Variants in RNF152 observed in about 807,000 individuals in gnomAD.
RNF152 encodes E3 ubiquitin-protein ligase RNF152.
Under a neutral mutation model 12.7 loss-of-function variants are expected in RNF152, and 11 were observed. The ratio of observed to expected loss-of-function variants is 0.86; its 90% CI spans 0.54 to 1.43. The LOEUF (loss-of-function observed/expected upper bound fraction) is 1.43. RNF152 is among the 40% of genes most tolerant of loss of function. The pLI is 0.00. For synonymous variants in RNF152, 113 were observed against 120.3 expected (o/e 0.94, Z 0.40); for missense variants, 255 against 274.8 (o/e 0.93, Z 0.51).
At chr18:61,825,184 T>C (rs968748984) in intron 1 of RNF152, among the ~76,000 whole-genome samples, 1 of 152,182 alleles carries the variant, frequency 6.6e-6, no homozygotes, top group African/African-American at 2.4e-5. Context: ...GGCGTTGCCA[T>C]GGTAAACAAG....
chr18:61,831,022 C>A (rs1474228241), intron 1 of RNF152, among the ~76,000 whole-genome samples: 1 of 152,030 alleles, frequency 6.6e-6, no homozygotes, highest in East Asian at 1.9e-4. Context: ...TATTATTAGA[C>A]AATAAAGAAA....
intron 1 of RNF152, among the ~76,000 whole-genome samples, chr18:61,841,781 C>G (rs753493062): frequency 6.6e-6 from 1 of 152,346 alleles, no homozygotes; most frequent in Admixed American, 6.5e-5. Flanking sequence ...ATCTCCAACA[C>G]GGCAGTAAAT....
chr18:61,852,971 T>C (rs1241170322), intron 1 of RNF152, among the ~76,000 whole-genome samples: 2 of 152,230 alleles, frequency 1.3e-5, no homozygotes, highest in African/African-American at 2.4e-5. Flanking sequence ...TCCTGACTTA[T>C]TCTAATCACA....
Position 61,813,944 on chromosome 18 carries a change from A to G in RNF152, c.*1908T>C, listed in dbSNP as rs1380355026. The G allele has an allele frequency of 1.3e-5, 2 of 152,228 alleles. No homozygotes were observed. Among genetic ancestry groups the G allele is most frequent in the African/African-American group, 2.4e-5 (1 of 41,462 alleles). The allele number at this position is 152,228 out of a possible 1,614,324, so 9.4% of individuals were successfully genotyped here. On this transcript the variant is annotated 3_prime_UTR_variant, in exon 2 of 2. Transcript: ENST00000312828. ...ATTCAGCTAATATGACACCTAAATTATTAATACCAAATAAATCCTAGATTA... is the reference window on the plus strand; with the variant it reads ...ATTCAGCTAATATGACACCTAAATTGTTAATACCAAATAAATCCTAGATTA...
Position 61,815,773 on chromosome 18 carries a change from C to T in RNF152, c.*79G>A. On this transcript the variant is annotated 3_prime_UTR_variant, in exon 2 of 2. Coordinates refer to ENST00000312828, the MANE Select transcript of RNF152 (RefSeq NM_173557.3). Reference sequence around the variant, plus strand: ...GCACCAAATGGTCAGTGTTGCCCCCCATCTTCTCACTGGGATCTCATCATC... The same window carrying T: ...GCACCAAATGGTCAGTGTTGCCCCCTATCTTCTCACTGGGATCTCATCATC... 6.6e-7 allele frequency: 1 copy of T among 1,504,394 alleles called. No individual in the cohort carries two copies. The highest frequency in any genetic ancestry group is 2.3e-5 in the East Asian group (1 of 44,140). 93.2% of individuals were successfully genotyped at this position (1,504,394 alleles called of 1,614,324 possible).
chr18:61,861,254 C>A (rs985533744), intron 1 of RNF152, among the ~76,000 whole-genome samples: 2 of 152,234 alleles, frequency 1.3e-5, no homozygotes, highest in African/African-American at 4.8e-5. Flanking sequence ...AAGCTCCATT[C>A]ATGCTAAGTG....
At chr18:61,868,518 C>T (rs1224001676) in intron 1 of RNF152, among the ~76,000 whole-genome samples, 3 of 152,046 alleles carry the variant, frequency 2.0e-5, no homozygotes, top group African/African-American at 4.8e-5. Context: ...GCCTGGCCAA[C>T]GTGGTAAAAT....
intron 1 of RNF152, among the ~76,000 whole-genome samples, chr18:61,845,630 G>A (rs1319894627): frequency 6.6e-6 from 1 of 152,202 alleles, no homozygotes; most frequent in Non-Finnish European, 1.5e-5. Flanking sequence ...AAGGGTTTAT[G>A]TGAAGTCAAT....
At chr18:61,822,264 C>T (rs2144627820) in intron 1 of RNF152, among the ~76,000 whole-genome samples, 1 of 152,124 alleles carries the variant, frequency 6.6e-6, no homozygotes, top group East Asian at 1.9e-4. Context: ...TTATTTCAAA[C>T]ATAACCTCAT....
intron 1 of RNF152, among the ~76,000 whole-genome samples, chr18:61,843,675 T>C (rs1910554609): frequency 6.6e-6 from 1 of 152,216 alleles, no homozygotes; most frequent in Non-Finnish European, 1.5e-5. Flanking sequence ...TTGAGGACAT[T>C]ATGTTCAGTG....
chr18:61,839,795 T>G (rs1050215908), intron 1 of RNF152, among the ~76,000 whole-genome samples: 2 of 152,164 alleles, frequency 1.3e-5, no homozygotes, highest in Admixed American at 1.3e-4. Context: ...CTCGGGAGGC[T>G]GAGGCAGGAG....
At chr18:61,882,752 TG>T (rs982636679) in intron 1 of RNF152, among the ~76,000 whole-genome samples, 2 of 152,200 alleles carry the variant, frequency 1.3e-5, no homozygotes, top group Non-Finnish European at 1.5e-5. Flanking sequence ...TGCTATAGGG[TG>T]GAGCCAGGCC....
At chr18:61,862,397 C>T (rs1431436238) in intron 1 of RNF152, among the ~76,000 whole-genome samples, 1 of 152,190 alleles carries the variant, frequency 6.6e-6, no homozygotes, top group Non-Finnish European at 1.5e-5. Context: ...AAAAGAACTT[C>T]AGCTGACAAA....
chr18:61,844,096 A>AAGAAAGAAAGAAAGAAAGAAAG (rs1568275259), intron 1 of RNF152, among the ~76,000 whole-genome samples: 29 of 121,966 alleles, frequency 2.4e-4, no homozygotes, highest in Non-Finnish European at 2.8e-4. Flanking sequence ...GAAAGAAAGA[A>AAGAAAGAAAGAAAGAAAGAAAG]AGAAAGAAAG....
chr18:61,824,408 G>A (rs563660181), intron 1 of RNF152, among the ~76,000 whole-genome samples: 19 of 152,320 alleles, frequency 1.2e-4, no homozygotes, highest in Middle Eastern at 3.4e-3. Flanking sequence ...AGTACTGCCA[G>A]GCCACTTATT....
intron 1 of RNF152, among the ~76,000 whole-genome samples, chr18:61,843,565 C>G (rs1910549888): frequency 6.6e-6 from 1 of 152,092 alleles, no homozygotes; most frequent in Non-Finnish European, 1.5e-5. Context: ...TGCCCACAGA[C>G]AGATGAATGG....
At chr18:61,827,103 T>C (rs1264487681) in intron 1 of RNF152, among the ~76,000 whole-genome samples, 1 of 152,222 alleles carries the variant, frequency 6.6e-6, no homozygotes, top group East Asian at 1.9e-4. Context: ...AATTCCTTAT[T>C]TGATGAAACT....
chr18:61,841,996 C>T (rs990617927), intron 1 of RNF152, among the ~76,000 whole-genome samples: 1 of 152,164 alleles, frequency 6.6e-6, no homozygotes, highest in Non-Finnish European at 1.5e-5. Flanking sequence ...TTTACAAAAA[C>T]ATGAGGTGGG....
intron 1 of RNF152, among the ~76,000 whole-genome samples, chr18:61,869,774 C>T (rs1296983841): frequency 1.3e-5 from 2 of 152,190 alleles, no homozygotes; most frequent in Non-Finnish European, 2.9e-5. Flanking sequence ...CACATGCACA[C>T]ACCCGGAAGC....
Sources: allele counts gnomAD v4.1 joint callset (sites outside exome capture counted in the v4.1 genomes callset), GRCh38; gene constraint gnomAD v4.1.1; transcripts MANE v1.5; gene names NCBI Gene and HGNC (gene_info 2026-07-23, HGNC 2026-07-21).